The following EML6 variants were observed in gnomAD, a reference collection of about 807,000 sequenced individuals.
EML6 encodes EMAP like 6, also known as echinoderm microtubule-associated protein-like 6.
In EML6, 154 loss-of-function variants were observed where a neutral mutation model predicts 240.1. That is an observed-to-expected ratio of 0.64 (90% CI 0.56 to 0.73). The LOEUF is 0.73. Among genes scored for constraint, EML6 ranks in the 30% least tolerant of loss-of-function variants. The probability of loss-of-function intolerance (pLI) is 0.00; values close to 1 mark genes in which losing one functional copy is unlikely to be tolerated. For synonymous variants in EML6, 1,148 were observed against 899.0 expected, an observed-to-expected ratio of 1.28 and a Z score of -4.95; for missense variants, 2,964 against 2,474.6, an observed-to-expected ratio of 1.20 and a Z score of -4.20.
chr2:54,959,931 G>GT, intron 34 of EML6, among the ~76,000 whole-genome samples: 1 of 152,218 alleles, frequency 6.6e-6, no homozygotes, highest in East Asian at 1.9e-4. Flanking sequence ...AAACATTTCT[G>GT]TGTTCTAATC....
At chr2:54,930,106 A>G (rs1674775603) in intron 28 of EML6, among the ~76,000 whole-genome samples, 1 of 152,180 alleles carries the variant, frequency 6.6e-6, no homozygotes, top group African/African-American at 2.4e-5. Flanking sequence ...AAAATTACCC[A>G]GCCTTTCTAG....
intron 28 of EML6, among the ~76,000 whole-genome samples, chr2:54,929,149 GT>G (rs1674721290): frequency 6.6e-6 from 1 of 152,288 alleles, no homozygotes; most frequent in South Asian, 2.1e-4. Context: ...CTGCAGAGTT[GT>G]GAAAAACCAT....
intron 5 of EML6, among the ~76,000 whole-genome samples, chr2:54,826,185 C>T (rs1668582299): frequency 6.6e-6 from 1 of 152,210 alleles, no homozygotes. Flanking sequence ...CTTCTGTTTG[C>T]TTTCCCTCCC....
At chr2:54,800,040 A>G (rs1283166713) in intron 2 of EML6, among the ~76,000 whole-genome samples, 5 of 151,890 alleles carry the variant, frequency 3.3e-5, no homozygotes, top group Admixed American at 2.6e-4. Flanking sequence ...AGGTCAGGAG[A>G]TTGAGACCAT....
chr2:54,744,273 T>G (rs1296741788), intron 2 of EML6, among the ~76,000 whole-genome samples: 1 of 151,906 alleles, frequency 6.6e-6, no homozygotes, highest in Non-Finnish European at 1.5e-5. Context: ...GGTGGTAGCC[T>G]AGAAGAAAAC....
intron 2 of EML6, among the ~76,000 whole-genome samples, chr2:54,734,529 G>C (rs1025815716): frequency 6.6e-6 from 1 of 152,212 alleles, no homozygotes; most frequent in African/African-American, 2.4e-5. Flanking sequence ...TGCTGGTCTG[G>C]TGTCAGGGGT....
chr2:54,844,344 C>G, intron 8 of EML6, 96 bp downstream of exon 8: 2 of 935,780 alleles, frequency 2.1e-6, no homozygotes, highest in Non-Finnish European at 3.3e-6. Flanking sequence ...CAGAACAGAA[C>G]CACACAGTTT....
At chr2:54,831,441 C>G (rs1350826800) in intron 7 of EML6, among the ~76,000 whole-genome samples, 1 of 152,084 alleles carries the variant, frequency 6.6e-6, no homozygotes, top group Non-Finnish European at 1.5e-5. Flanking sequence ...ATCTGTGTAA[C>G]CAGGTGTGGT....
chr2:54,862,783 A>G (rs963107344), intron 12 of EML6, among the ~76,000 whole-genome samples: 2 of 152,264 alleles, frequency 1.3e-5, no homozygotes, highest in Non-Finnish European at 2.9e-5. Context: ...ATCATCACAC[A>G]TAAGGAAACC....
Position 54,829,176 on chromosome 2 carries a change from C to T in EML6, c.712-166C>T, listed in dbSNP as rs566903098. On this transcript the variant is annotated intron_variant, in intron 6 of 41. Coordinates refer to ENST00000356458, the MANE Select transcript of EML6 (RefSeq NM_001039753.4). ...ATTTTTTAAATGTAGCTGAGATGAACAGTGTTATAAATGGCTACTTGGTCT... is the reference window on the plus strand; with the variant it reads ...ATTTTTTAAATGTAGCTGAGATGAATAGTGTTATAAATGGCTACTTGGTCT... 9.9e-5 allele frequency among the ~76,000 whole-genome samples: 15 copies of T among 152,218 alleles called. No homozygotes were observed. In the South Asian group the frequency reaches 2.7e-3, roughly 27 times the overall value.
intron 2 of EML6, among the ~76,000 whole-genome samples, chr2:54,756,296 A>G (rs1367862388): frequency 7.2e-5 from 11 of 152,198 alleles, no homozygotes; most frequent in Admixed American, 2.6e-4. Context: ...AGTGTCTTCA[A>G]TCGACTGTGC....
rs1572914196 is a variant in EML6, at chr2:54,798,502, T to A, written c.198-14730T>A. 3.3e-5 allele frequency among the ~76,000 whole-genome samples: 5 copies of A among 152,330 alleles called. 1 individual carries two copies. The South Asian group carries it at 1.0e-3, about 32-fold the overall frequency. The stretch of plus-strand genomic sequence containing the variant: ...TATAGTTTTTAATGTAAAGGAGCTA[T>A]ACATCTTTTTGTTAAACTTAAGATC... On this transcript the variant is annotated intron_variant, in intron 2 of 41. Coordinates refer to ENST00000356458, the MANE Select transcript of EML6 (RefSeq NM_001039753.4).
chr2:54,787,911 C>T (rs1669175736), intron 2 of EML6, among the ~76,000 whole-genome samples: 1 of 152,148 alleles, frequency 6.6e-6, no homozygotes, highest in South Asian at 2.1e-4. Flanking sequence ...ACCCCGTCCC[C>T]CGAGGCCTAG....
intron 2 of EML6, among the ~76,000 whole-genome samples, chr2:54,736,516 G>C (rs764451706): frequency 2.0e-4 from 30 of 152,152 alleles, no homozygotes; most frequent in Non-Finnish European, 4.0e-4. Flanking sequence ...AAAGTCATGA[G>C]GTTCTTAGTT....
At chr2:54,850,345 G>A in intron 10 of EML6, 127 bp downstream of exon 10, 2 of 779,676 alleles carry the variant, frequency 2.6e-6, no homozygotes, top group Non-Finnish European at 2.0e-6. Flanking sequence ...TTGCCGGAAA[G>A]CACCCCCACC....
chr2:54,911,332 A>T (rs915617632), intron 25 of EML6, among the ~76,000 whole-genome samples: 1 of 152,186 alleles, frequency 6.6e-6, no homozygotes, highest in African/African-American at 2.4e-5. Flanking sequence ...TTTCCATTTG[A>T]CATGTCATTT....
rs1187960924 is a variant in EML6, at chr2:54,850,068, G to A, written c.1294G>A (p.Val432Ile). Reference protein sequence around the residue: ...YLAVGSNDGPVDVYAVAQRYK... With the variant: ...YLAVGSNDGPIDVYAVAQRYK... ...TGCAGTGGGATCCAATGATGGCCCAGTAGATGTCTATGCTGTTGCCCAGAG... is the reference window on the plus strand; with the variant it reads ...TGCAGTGGGATCCAATGATGGCCCAATAGATGTCTATGCTGTTGCCCAGAG... Residue 432 changes from valine (V) to isoleucine (I), a missense_variant, in exon 10 of 42, where the codon GTA (valine) becomes ATA (isoleucine). By Grantham distance (29) the Val-to-Ile change is conservative. Coordinates refer to ENST00000356458, the MANE Select transcript of EML6 (RefSeq NM_001039753.4). 25 of 1,551,976 alleles carry A rather than the reference G, an allele frequency of 1.6e-5. 1 individual carries two copies. In the South Asian group the frequency reaches 2.7e-4, roughly 17 times the overall value.
intron 5 of EML6, among the ~76,000 whole-genome samples, chr2:54,823,878 T>TCTCTCTCTCTCTCTCTCTCTCTCTCTC (rs60937620): frequency 0.011 from 1,362 of 129,118 alleles, 109 homozygotes; most frequent in Admixed American, 0.022. Context: ...CTCTCTCTCT[T>TCTCTCTCTCTCTCTCTCTCTCTCTCTC]TCTGTCTCTC....
intron 32 of EML6, among the ~76,000 whole-genome samples, chr2:54,955,341 C>T (rs1475287251): frequency 6.6e-6 from 1 of 152,142 alleles, no homozygotes; most frequent in Non-Finnish European, 1.5e-5. Context: ...GCAGTTAGGA[C>T]CCATCCTAAG....
Sources: gnomAD v4.1 joint callset for allele counts (sites outside exome capture counted in the v4.1 genomes callset) on GRCh38, gnomAD v4.1.1 for gene constraint, MANE v1.5 for transcripts, NCBI Gene and HGNC (gene_info 2026-07-23, HGNC 2026-07-21) for gene names.